Variants in PDE4B observed in about 807,000 individuals in gnomAD.
PDE4B encodes the protein phosphodiesterase 4B, also known as 3',5'-cyclic-AMP phosphodiesterase 4B.
A neutral mutation model predicts 82.2 loss-of-function variants in PDE4B; 20 were observed. The ratio of observed to expected loss-of-function variants is 0.24; its 90% CI spans 0.17 to 0.35. The LOEUF (loss-of-function observed/expected upper bound fraction) is 0.35. Among genes scored for constraint, PDE4B ranks in the 10% least tolerant of loss-of-function variants. The pLI is 1.00. For missense variants in PDE4B, 655 were observed against 907.2 expected (o/e 0.72, Z 3.57); for synonymous variants, 320 against 318.9 (o/e 1.00, Z -0.04).
At chr1:66,116,756 G>A (rs1415807834) in intron 3 of PDE4B, among the ~76,000 whole-genome samples, 1 of 152,116 alleles carries the variant, frequency 6.6e-6, no homozygotes, top group Non-Finnish European at 1.5e-5. Flanking sequence ...GTAGAGATGG[G>A]GTTTTGCCAT....
intron 3 of PDE4B, among the ~76,000 whole-genome samples, chr1:65,972,940 G>A (rs1650220961): frequency 6.6e-6 from 1 of 152,132 alleles, no homozygotes; most frequent in Non-Finnish European, 1.5e-5. Flanking sequence ...ATTCTAGACT[G>A]GTGAATAATT....
intron 10 of PDE4B, 81 bp from the exon 11 acceptor site, chr1:66,363,087 G>A: frequency 1.1e-6 from 1 of 932,386 alleles, no homozygotes; most frequent in Non-Finnish European, 1.7e-6. Flanking sequence ...AACAGCCAAT[G>A]TCCAAAAAAT....
chr1:65,906,469 A>G (rs949980346), intron 1 of PDE4B, among the ~76,000 whole-genome samples: 3 of 152,128 alleles, frequency 2.0e-5, no homozygotes, highest in Non-Finnish European at 2.9e-5. Flanking sequence ...AAAGTGATTT[A>G]TATGCCTCTT....
Position 66,287,207 on chromosome 1 carries a change from G to A in PDE4B, c.634+21120G>A, listed in dbSNP as rs148219228. Among the ~76,000 whole-genome samples, 622 of 152,240 alleles carry A rather than the reference G, an allele frequency of 4.1e-3. 2 individuals are homozygous for A. Among genetic ancestry groups the A allele is most frequent in the African/African-American group, 0.014 (597 of 41,564 alleles). On this transcript the variant is annotated intron_variant, in intron 7 of 16. Coordinates refer to ENST00000341517, the MANE Select transcript of PDE4B (RefSeq NM_002600.4). The stretch of plus-strand genomic sequence containing the variant: ...GAGCTGTCCTGCCCCCACAACTGGC[G>A]AGTGGAGCCTCCATCTTCGAATCCA...
At chr1:66,211,891 G>T (rs1650080609) in intron 3 of PDE4B, among the ~76,000 whole-genome samples, 1 of 152,202 alleles carries the variant, frequency 6.6e-6, no homozygotes, top group Admixed American at 6.5e-5. Context: ...TTCTTACCCA[G>T]TGTGAAACCC....
intron 3 of PDE4B, among the ~76,000 whole-genome samples, chr1:66,160,114 G>C (rs1424727622): frequency 6.6e-6 from 1 of 152,114 alleles, no homozygotes; most frequent in Non-Finnish European, 1.5e-5. Context: ...GTGTTAAAAG[G>C]GGAAAATTGT....
chr1:66,093,466 A>G (rs995722906), intron 3 of PDE4B, among the ~76,000 whole-genome samples: 10 of 151,956 alleles, frequency 6.6e-5, no homozygotes, highest in Admixed American at 3.3e-4. Flanking sequence ...TTGAGTTCTA[A>G]AATTGTGCTT....
chr1:65,880,220 C>T (rs938361375), intron 1 of PDE4B, among the ~76,000 whole-genome samples: 1 of 152,196 alleles, frequency 6.6e-6, no homozygotes, highest in Non-Finnish European at 1.5e-5. Context: ...CTCTGAACAC[C>T]TCTGCTGCTT....
At chr1:66,332,265 T>G in intron 7 of PDE4B, 1 of 1,475,620 alleles carries the variant, frequency 6.8e-7, no homozygotes, top group Non-Finnish European at 8.9e-7. Context: ...TCTTGGTAGA[T>G]CACCGACACC....
At chr1:66,133,391 G>T (rs1187391713) in intron 3 of PDE4B, among the ~76,000 whole-genome samples, 1 of 152,072 alleles carries the variant, frequency 6.6e-6, no homozygotes. Context: ...ACAAACTTGG[G>T]AATAAAGTAA....
chr1:66,259,685 G>A (rs1654533288), intron 6 of PDE4B, among the ~76,000 whole-genome samples: 1 of 152,028 alleles, frequency 6.6e-6, no homozygotes, highest in Admixed American at 6.6e-5. Context: ...GTAAGAATTG[G>A]GTTTAGTTTT....
At chr1:66,011,552 A>G (rs1031309190) in intron 3 of PDE4B, among the ~76,000 whole-genome samples, 6 of 152,114 alleles carry the variant, frequency 3.9e-5, no homozygotes, top group Admixed American at 6.6e-5. Flanking sequence ...GGCATTATGT[A>G]GAAGAGAAAA....
chr1:66,229,169 G>A (rs1285613647), intron 3 of PDE4B, among the ~76,000 whole-genome samples: 7 of 93,650 alleles, frequency 7.5e-5, no homozygotes, highest in Admixed American at 2.7e-4. Context: ...CACCATGCCC[G>A]GCTAATTTTT....
intron 1 of PDE4B, among the ~76,000 whole-genome samples, chr1:65,897,330 T>C (rs1355955578): frequency 6.6e-6 from 1 of 152,084 alleles, no homozygotes; most frequent in Non-Finnish European, 1.5e-5. Flanking sequence ...ATGCCTATCA[T>C]CAATCCTAGA....
chr1:66,005,173 T>A (rs1290987970), intron 3 of PDE4B, among the ~76,000 whole-genome samples: 1 of 152,118 alleles, frequency 6.6e-6, no homozygotes, highest in Non-Finnish European at 1.5e-5. Context: ...TTGCTCCAGA[T>A]TTATTTTATA....
At chr1:66,310,983 T>C (rs1658628977) in intron 7 of PDE4B, among the ~76,000 whole-genome samples, 1 of 152,220 alleles carries the variant, frequency 6.6e-6, no homozygotes, top group African/African-American at 2.4e-5. Context: ...TACATTGATA[T>C]GTCTGTCTCC....
chr1:65,794,519 T>A (rs1372954091), intron 1 of PDE4B, among the ~76,000 whole-genome samples: 2 of 152,174 alleles, frequency 1.3e-5, no homozygotes, highest in Non-Finnish European at 2.9e-5. Flanking sequence ...AGAAGATAGA[T>A]AAGGCCAATG....
At chr1:65,950,728 C>T (rs1335217453) in intron 3 of PDE4B, among the ~76,000 whole-genome samples, 1 of 151,962 alleles carries the variant, frequency 6.6e-6, no homozygotes, top group Non-Finnish European at 1.5e-5. Context: ...TCCACCCAGG[C>T]AAAGTGGCTT....
chr1:66,163,485 AC>A, intron 3 of PDE4B, among the ~76,000 whole-genome samples: 1 of 152,172 alleles, frequency 6.6e-6, no homozygotes, highest in East Asian at 1.9e-4. Context: ...ATATTACATA[AC>A]CATTATATTA....
Sources: gnomAD v4.1 joint callset for allele counts (sites outside exome capture counted in the v4.1 genomes callset) on GRCh38, gnomAD v4.1.1 for gene constraint, MANE v1.5 for transcripts, NCBI Gene and HGNC (gene_info 2026-07-23, HGNC 2026-07-21) for gene names.